MINAR2: variants seen among roughly 807,000 people sequenced by gnomAD.
MINAR2 encodes the protein major intrinsically disordered NOTCH2-binding receptor 1-like.
Under a neutral mutation model 16.1 loss-of-function variants are expected in MINAR2, and 21 were observed. That is an observed-to-expected ratio of 1.31 (90% CI 0.93 to 1.88). The LOEUF is 1.88. MINAR2 is among the 40% of genes most tolerant of loss of function. The probability of loss-of-function intolerance (pLI) is 0.00; values close to 1 mark genes in which losing one functional copy is unlikely to be tolerated. For synonymous variants in MINAR2, 86 were observed against 83.0 expected (o/e 1.04, Z -0.20); for missense variants, 259 against 229.8 (o/e 1.13, Z -0.82).
intron 2 of MINAR2, among the ~76,000 whole-genome samples, chr5:129,763,792 C>T (rs897592060): frequency 7.9e-5 from 12 of 152,184 alleles, no homozygotes; most frequent in Admixed American, 7.9e-4. Context: ...TACATGCATG[C>T]ACATTCCTCT....
chr5:129,759,894 T>C (rs984078010), intron 1 of MINAR2, among the ~76,000 whole-genome samples: 7 of 152,170 alleles, frequency 4.6e-5, no homozygotes, highest in Admixed American at 4.6e-4. Context: ...ACCTCAAAGC[T>C]GTCTGAAATG....
At chr5:129,758,295 A>T (rs565991636) in intron 1 of MINAR2, among the ~76,000 whole-genome samples, 2 of 152,090 alleles carry the variant, frequency 1.3e-5, no homozygotes, top group Non-Finnish European at 2.9e-5. Context: ...AAGTTATTTT[A>T]AAAAATTTAT....
At chr5:129,749,626 A>G (rs542082702) in intron 1 of MINAR2, among the ~76,000 whole-genome samples, 1 of 152,182 alleles carries the variant, frequency 6.6e-6, no homozygotes, top group East Asian at 1.9e-4. Flanking sequence ...TTTCCTCCTT[A>G]TTGTTTATAT....
chr5:129,766,665 C>CA lies in MINAR2; in HGVS notation c.*1605dup. 1 of 120,250 alleles carries CA rather than the reference C, an allele frequency of 8.3e-6. No individual in the cohort carries two copies. Among genetic ancestry groups the CA allele is most frequent in the Middle Eastern group, 4.2e-3 (1 of 238 alleles). 7.4% of individuals were successfully genotyped at this position (120,250 alleles called of 1,614,324 possible). The stretch of plus-strand genomic sequence containing the variant: ...AAAAAAAAAAAAAAAAACAAACAAA[C>CA]AAACAAAAAAAACCCCAAAAAAAGA... On this transcript the variant is annotated 3_prime_UTR_variant, in exon 3 of 3. Transcript: ENST00000564719.
At chr5:129,759,656 G>A (rs1436668598) in intron 1 of MINAR2, among the ~76,000 whole-genome samples, 1 of 152,084 alleles carries the variant, frequency 6.6e-6, no homozygotes, top group Non-Finnish European at 1.5e-5. Flanking sequence ...AGGGTGACTG[G>A]AAAGGAGCAT....
intron 1 of MINAR2, among the ~76,000 whole-genome samples, chr5:129,756,834 T>A (rs562801811): frequency 1.3e-5 from 2 of 151,348 alleles, no homozygotes; most frequent in South Asian, 4.2e-4. Context: ...GCAAAGCTTT[T>A]GACCGTGTCT....
chr5:129,763,174 A>C (rs1561686216), intron 2 of MINAR2, among the ~76,000 whole-genome samples: 1 of 151,826 alleles, frequency 6.6e-6, no homozygotes, highest in South Asian at 2.1e-4. Context: ...CTCTGTTTAC[A>C]CTCTCACTCT....
chr5:129,764,191 T>C (rs1339021906), intron 2 of MINAR2, among the ~76,000 whole-genome samples: 1 of 152,122 alleles, frequency 6.6e-6, no homozygotes, highest in Non-Finnish European at 1.5e-5. Context: ...GAAGGAAAGA[T>C]GAAGTCTGTG....
chr5:129,753,624 G>T (rs553604899), intron 1 of MINAR2, among the ~76,000 whole-genome samples: 1 of 150,846 alleles, frequency 6.6e-6, no homozygotes, highest in Non-Finnish European at 1.5e-5. Flanking sequence ...TTGCTGGCGC[G>T]CACCTGTAAT....
In MINAR2 at chr5:129,766,654, AAACAAACAAACAAAC is replaced by A. The variant is rs1487139028; in HGVS notation, c.*1594_*1608del. The A allele has an allele frequency of 3.5e-5, 3 of 85,156 alleles. No homozygotes were observed. Among genetic ancestry groups the A allele is most frequent in the African/African-American group, 1.5e-4 (3 of 19,508 alleles). The allele number at this position is 85,156 out of a possible 1,614,324, so 5.3% of individuals were successfully genotyped here. ...TTCCATAAAAAAAAAAAAAAAAAAA[AAACAAACAAACAAAC>A]AAAAAAAACCCCAAAAAAAGAGACA... On this transcript the variant is annotated 3_prime_UTR_variant, in exon 3 of 3. Coordinates refer to ENST00000564719, the MANE Select transcript of MINAR2 (RefSeq NM_001257308.2).
intron 1 of MINAR2, among the ~76,000 whole-genome samples, chr5:129,757,021 T>G (rs1758064133): frequency 6.7e-6 from 1 of 149,034 alleles, no homozygotes; most frequent in African/African-American, 2.5e-5. Context: ...TATATTTATA[T>G]ATAATGGTAT....
intron 1 of MINAR2, among the ~76,000 whole-genome samples, chr5:129,755,939 G>A (rs1444524973): frequency 1.3e-5 from 2 of 151,860 alleles, no homozygotes; most frequent in African/African-American, 2.4e-5. Flanking sequence ...GCTTTATAAT[G>A]CAAGTATATA....
chr5:129,764,085 GA>G (rs904291037), intron 2 of MINAR2, among the ~76,000 whole-genome samples: 3 of 152,042 alleles, frequency 2.0e-5, no homozygotes, highest in East Asian at 1.9e-4. Context: ...GATGTAATAG[GA>G]AAAAAATGTA....
At chr5:129,763,397 T>C (rs184250317) in intron 2 of MINAR2, among the ~76,000 whole-genome samples, 1 of 152,338 alleles carries the variant, frequency 6.6e-6, no homozygotes, top group Admixed American at 6.5e-5. Context: ...TGACACCACT[T>C]TTAGGCTATA....
chr5:129,754,344 G>C (rs1758028901), intron 1 of MINAR2, among the ~76,000 whole-genome samples: 1 of 152,116 alleles, frequency 6.6e-6, no homozygotes, highest in South Asian at 2.1e-4. Context: ...TTCCATTCTA[G>C]CAATTTAAAA....
intron 1 of MINAR2, among the ~76,000 whole-genome samples, chr5:129,760,157 G>A (rs1758112178): frequency 6.6e-6 from 1 of 152,098 alleles, no homozygotes; most frequent in Non-Finnish European, 1.5e-5. Flanking sequence ...GCATTTTAAT[G>A]AATGATTAGT....
At chr5:129,749,874 T>C (rs1475277204) in intron 1 of MINAR2, among the ~76,000 whole-genome samples, 3 of 152,218 alleles carry the variant, frequency 2.0e-5, no homozygotes, top group African/African-American at 4.8e-5. Flanking sequence ...GGCAACTTTT[T>C]CTACAGGCCC....
rs528679913 is a variant in MINAR2 at position 129,766,304 on chromosome 5, G to T, written c.*1241G>T. On this transcript the variant is annotated 3_prime_UTR_variant, in exon 3 of 3. Coordinates refer to ENST00000564719, the MANE Select transcript of MINAR2 (RefSeq NM_001257308.2). The stretch of plus-strand genomic sequence containing the variant: ...TCCCTTGATATTGCCATATCATTTT[G>T]TTGTATTTGTCTTAAAGATGCTTGA... 6.6e-6 allele frequency: 1 copy of T among 152,294 alleles called. No individual in the cohort carries two copies. Among genetic ancestry groups the T allele is most frequent in the East Asian group, 1.9e-4 (1 of 5,182 alleles). 9.4% of individuals were successfully genotyped at this position (152,294 alleles called of 1,614,324 possible). A position where few individuals can be genotyped will look rare whatever the true frequency, so the allele number is the denominator to read the frequency against.
chr5:129,763,924 G>A (rs752954112), intron 2 of MINAR2, among the ~76,000 whole-genome samples: 1 of 152,110 alleles, frequency 6.6e-6, no homozygotes, highest in African/African-American at 2.4e-5. Flanking sequence ...CAAAGAGAGG[G>A]TAGGCAGTCC....
Sources: gnomAD v4.1 joint callset for allele counts (sites outside exome capture counted in the v4.1 genomes callset) on GRCh38, gnomAD v4.1.1 for gene constraint, MANE v1.5 for transcripts, NCBI Gene and HGNC (gene_info 2026-07-23, HGNC 2026-07-21) for gene names.